ADAMTS6: variants seen among roughly 807,000 people sequenced by gnomAD.
The protein encoded by ADAMTS6 is A disintegrin and metalloproteinase with thrombospondin motifs 6.
Under a neutral mutation model 144.3 loss-of-function variants are expected in ADAMTS6, and 23 were observed. That is an observed-to-expected ratio of 0.16 (90% confidence interval 0.11 to 0.23). The LOEUF is 0.23. ADAMTS6 is among the 10% of genes least tolerant of loss of function. ADAMTS6 has a pLI of 1.00. For synonymous variants in ADAMTS6, 444 were observed against 457.5 expected, an observed-to-expected ratio of 0.97 and a Z score of 0.38; for missense variants, 999 against 1,379.6, an observed-to-expected ratio of 0.72 and a Z score of 4.37.
chr5:65,349,130 G>A (rs1186359161), intron 7 of ADAMTS6, among the ~76,000 whole-genome samples: 2 of 151,988 alleles, frequency 1.3e-5, no homozygotes, highest in Non-Finnish European at 2.9e-5. Flanking sequence ...TTAAGTCAAG[G>A]AAGAAAAAGC....
intron 2 of ADAMTS6, among the ~76,000 whole-genome samples, chr5:65,472,562 C>T (rs1197427473): frequency 1.3e-5 from 2 of 151,996 alleles, no homozygotes; most frequent in African/African-American, 4.8e-5. Flanking sequence ...AAATGAGGAA[C>T]ATATTTTCCT....
chr5:65,465,043 C>G (rs966885700), intron 3 of ADAMTS6, among the ~76,000 whole-genome samples: 1 of 152,206 alleles, frequency 6.6e-6, no homozygotes, highest in Non-Finnish European at 1.5e-5. Context: ...GCTGGGCCTG[C>G]ACCTTTGCAG....
intron 24 of ADAMTS6, among the ~76,000 whole-genome samples, chr5:65,164,391 G>A (rs370196924): frequency 6.6e-5 from 10 of 151,856 alleles, no homozygotes; most frequent in Non-Finnish European, 1.5e-4. Context: ...CGCCCACGGA[G>A]TCTCGCTGAT....
At chr5:65,197,454 CA>C (rs1307990083) in intron 20 of ADAMTS6, among the ~76,000 whole-genome samples, 1 of 152,036 alleles carries the variant, frequency 6.6e-6, no homozygotes, top group East Asian at 1.9e-4. Flanking sequence ...AACAAACAAA[CA>C]AAACAACAGA....
At chr5:65,303,302 A>T (rs902868439) in intron 9 of ADAMTS6, among the ~76,000 whole-genome samples, 1 of 152,130 alleles carries the variant, frequency 6.6e-6, no homozygotes, top group South Asian at 2.1e-4. Flanking sequence ...TCTACTTCTT[A>T]TGTGAACAAA....
intron 16 of ADAMTS6, among the ~76,000 whole-genome samples, 157 bp from the exon 17 acceptor site, chr5:65,225,204 T>G (rs1359505683): frequency 6.6e-6 from 1 of 152,210 alleles, no homozygotes; most frequent in East Asian, 1.9e-4. Flanking sequence ...TCTTTGTTAT[T>G]TGAAAAACTT....
At chr5:65,351,566 AG>A (rs1163172505) in intron 7 of ADAMTS6, among the ~76,000 whole-genome samples, 13 of 152,238 alleles carry the variant, frequency 8.5e-5, no homozygotes, top group Admixed American at 8.5e-4. Context: ...TATCTAAAAA[AG>A]AATTTTTATA....
intron 7 of ADAMTS6, among the ~76,000 whole-genome samples, chr5:65,388,211 C>A (rs373478310): frequency 4.0e-5 from 6 of 151,572 alleles, no homozygotes; most frequent in African/African-American, 1.2e-4. Context: ...TCCAACCCCC[C>A]CAAAAAAAAA....
At chr5:65,175,326 G>T (rs1367271160) in intron 22 of ADAMTS6, among the ~76,000 whole-genome samples, 1 of 150,872 alleles carries the variant, frequency 6.6e-6, no homozygotes, top group Non-Finnish European at 1.5e-5. Context: ...CAAAAGCAAA[G>T]TCAAAAAGAG....
rs189148976 is a variant in ADAMTS6, at chr5:65,363,594, G to A, written c.1074-29509C>T. On this transcript the variant is annotated intron_variant, in intron 7 of 24. Transcript: ENST00000381055. ...AATATTTATTCTTCTTTTTGGCAAC[G>A]AGTGTTTCAACATCTTGAAAATGCA... Among the ~76,000 whole-genome samples the A allele has an allele frequency of 8.5e-5, 13 of 152,096 alleles. No individual in the cohort carries two copies. In the East Asian group the frequency reaches 1.9e-3, roughly 23 times the overall value.
At chr5:65,220,957 T>C (rs1757284224) in intron 18 of ADAMTS6, among the ~76,000 whole-genome samples, 2 of 151,726 alleles carry the variant, frequency 1.3e-5, no homozygotes, top group African/African-American at 2.4e-5. Context: ...AATAAGAAAA[T>C]ATTATGCATA....
chr5:65,443,140 A>G (rs775544069), intron 7 of ADAMTS6, among the ~76,000 whole-genome samples: 1 of 152,220 alleles, frequency 6.6e-6, no homozygotes, highest in African/African-American at 2.4e-5. Context: ...CAATGAACAT[A>G]CATGTGCATG....
At chr5:65,365,489 C>T (rs6884479) in intron 7 of ADAMTS6, among the ~76,000 whole-genome samples, 86,845 of 151,582 alleles carry the variant, frequency 0.57, 26,300 homozygotes, top group African/African-American at 0.78. Context: ...CTACTAAAAA[C>T]ACAAAAAATT....
intron 7 of ADAMTS6, among the ~76,000 whole-genome samples, chr5:65,412,626 T>C (rs1021182133): frequency 3.3e-5 from 5 of 152,174 alleles, no homozygotes; most frequent in Non-Finnish European, 7.4e-5. Flanking sequence ...AGATGGCATT[T>C]TGCATACATC....
chr5:65,183,521 T>C (rs890724254), intron 22 of ADAMTS6, among the ~76,000 whole-genome samples: 4 of 152,110 alleles, frequency 2.6e-5, no homozygotes, highest in Non-Finnish European at 4.4e-5. Flanking sequence ...TAAGGTTCAG[T>C]ACTATCTGCA....
chr5:65,358,141 G>T (rs574953612), intron 7 of ADAMTS6, among the ~76,000 whole-genome samples: 1 of 152,014 alleles, frequency 6.6e-6, no homozygotes, highest in East Asian at 1.9e-4. Flanking sequence ...ATGAGTAAAT[G>T]GGATTCATCC....
intron 7 of ADAMTS6, among the ~76,000 whole-genome samples, chr5:65,379,435 CAG>C (rs895198358): frequency 1.3e-5 from 2 of 152,202 alleles, no homozygotes; most frequent in African/African-American, 4.8e-5. Flanking sequence ...ATGAGATGTA[CAG>C]AGTGTCACAA....
chr5:65,444,681 T>C (rs1476989622), intron 7 of ADAMTS6, among the ~76,000 whole-genome samples: 2 of 152,132 alleles, frequency 1.3e-5, no homozygotes, highest in African/African-American at 4.8e-5. Flanking sequence ...GAGGAGAAGA[T>C]TACATAAAGT....
At chr5:65,344,815 T>A (rs1748167654) in intron 7 of ADAMTS6, among the ~76,000 whole-genome samples, 1 of 151,828 alleles carries the variant, frequency 6.6e-6, no homozygotes, top group Non-Finnish European at 1.5e-5. Flanking sequence ...TGTTCTATTT[T>A]ATGTCATCTG....
Sources: allele counts gnomAD v4.1 joint callset (sites outside exome capture counted in the v4.1 genomes callset), GRCh38; gene constraint gnomAD v4.1.1; transcripts MANE v1.5; gene names NCBI Gene and HGNC (gene_info 2026-07-23, HGNC 2026-07-21).